The following PTPRC variants were observed in gnomAD, a reference collection of about 807,000 sequenced individuals.
The protein encoded by PTPRC is receptor-type tyrosine-protein phosphatase C.
A neutral mutation model predicts 155.9 loss-of-function variants in PTPRC; 44 were observed. The ratio of observed to expected loss-of-function variants is 0.28; its 90% confidence interval spans 0.22 to 0.36. The LOEUF is 0.36. PTPRC is among the 10% of genes least tolerant of loss of function. The pLI, the probability that PTPRC is intolerant of heterozygous loss-of-function variation, is 1.00. For missense variants in PTPRC, 1,401 were observed against 1,564.6 expected, an observed-to-expected ratio of 0.90 and a Z score of 1.76; for synonymous variants, 525 against 533.1, an observed-to-expected ratio of 0.98 and a Z score of 0.21.
At position 198,716,710 on chromosome 1, in the gene PTPRC, C is replaced by T. The variant is rs1653604546; in HGVS notation, c.1320C>T (p.Asn440=). Reference sequence around the variant, plus strand: ...AAGATTGCCTCAATCTGGATAAAAACCTGATCAAATATGATTTGCAAAATT... The same window carrying T: ...AAGATTGCCTCAATCTGGATAAAAATCTGATCAAATATGATTTGCAAAATT... The part of the protein sequence containing the change: ...TEKDCLNLDK[N]LIKYDLQNLK... The change falls in exon 13 of 33, where the codon AAC becomes AAT. Residue 440 remains asparagine (N), a synonymous_variant. Transcript: ENST00000442510. 1.2e-6 allele frequency: 2 copies of T among 1,612,010 alleles called. No homozygotes were observed.
intron 17 of PTPRC, among the ~76,000 whole-genome samples, chr1:198,731,277 A>G (rs1654375279): frequency 6.6e-6 from 1 of 152,020 alleles, no homozygotes; most frequent in Non-Finnish European, 1.5e-5. Context: ...TGTATTATAA[A>G]TAAATAATTA....
At chr1:198,662,355 T>C (rs1664015256) in intron 2 of PTPRC, among the ~76,000 whole-genome samples, 1 of 152,030 alleles carries the variant, frequency 6.6e-6, no homozygotes, top group Non-Finnish European at 1.5e-5. Flanking sequence ...GCAATTTATT[T>C]GAGATTACAG....
chr1:198,640,953 GT>G (rs1376288878), intron 2 of PTPRC, among the ~76,000 whole-genome samples: 1 of 151,786 alleles, frequency 6.6e-6, no homozygotes, highest in African/African-American at 2.4e-5. Flanking sequence ...ATTACAGGAT[GT>G]TTTTTTAACC....
At position 198,647,810 on chromosome 1, in the gene PTPRC, G is replaced by A. The variant is rs1284715053; in HGVS notation, c.73+8469G>A. The stretch of plus-strand genomic sequence containing the variant: ...CATTTGATAAACAACTATTTTGTGA[G>A]TGTTTTCCATGTAATTTGGGCTGAG... On this transcript the variant is annotated intron_variant, in intron 2 of 32. Coordinates refer to ENST00000442510, the MANE Select transcript of PTPRC (RefSeq NM_002838.5). Among the ~76,000 whole-genome samples the A allele has an allele frequency of 2.0e-5, 3 of 151,774 alleles. No homozygotes were observed. The East Asian group carries it at 5.8e-4, about 30-fold the overall frequency.
At chr1:198,706,645 T>A (rs528601994) in intron 8 of PTPRC, 89 bp from the exon 9 acceptor site, 1 of 1,386,928 alleles carries the variant, frequency 7.2e-7, no homozygotes, top group Non-Finnish European at 1.0e-6. Context: ...TGGGGATATT[T>A]GGTTAGTTGA....
At chr1:198,754,522 TTTCTC>T (rs1655537982) in intron 32 of PTPRC, 118 bp downstream of exon 32, 1 of 1,204,930 alleles carries the variant, frequency 8.3e-7, no homozygotes, top group Non-Finnish European at 1.2e-6. Flanking sequence ...CCCCTTTCCT[TTTCTC>T]TTCTCTATTT....
intron 18 of PTPRC, 52 bp downstream of exon 18, chr1:198,731,778 A>G (rs368340007): frequency 2.2e-6 from 3 of 1,367,026 alleles, no homozygotes; most frequent in African/African-American, 1.4e-5. Context: ...AGACAGTTCC[A>G]CTTTAAGTGT....
intron 2 of PTPRC, among the ~76,000 whole-genome samples, chr1:198,641,485 A>G (rs1662579388): frequency 6.6e-6 from 1 of 152,042 alleles, no homozygotes; most frequent in Admixed American, 6.6e-5. Flanking sequence ...TCTATGCATA[A>G]TTCAAATATT....
intron 2 of PTPRC, among the ~76,000 whole-genome samples, chr1:198,690,042 G>A (rs576787089): frequency 2.0e-5 from 3 of 152,220 alleles, no homozygotes; most frequent in East Asian, 1.9e-4. Flanking sequence ...CAAGTTCCAA[G>A]GAATGAGGTG....
intron 4 of PTPRC, among the ~76,000 whole-genome samples, chr1:198,699,353 G>A (rs1219052491): frequency 6.6e-6 from 1 of 152,176 alleles, no homozygotes; most frequent in Non-Finnish European, 1.5e-5. Flanking sequence ...ATCCAGCTCA[G>A]GAAACCTCCC....
At chr1:198,722,550 A>G in intron 15 of PTPRC, 74 bp downstream of exon 15, 2 of 825,182 alleles carry the variant, frequency 2.4e-6, no homozygotes, top group African/African-American at 1.8e-5. Context: ...ATTATTTTAC[A>G]CTTATAATCA....
intron 14 of PTPRC, among the ~76,000 whole-genome samples, chr1:198,721,170 A>T (rs2102454015): frequency 6.6e-6 from 1 of 152,276 alleles, no homozygotes; most frequent in Non-Finnish European, 1.5e-5. Flanking sequence ...TATTATGCTT[A>T]TTTCTGTCTC....
intron 18 of PTPRC, 96 bp downstream of exon 18, chr1:198,731,822 C>A: frequency 1.0e-6 from 1 of 961,014 alleles, no homozygotes; most frequent in Non-Finnish European, 1.7e-6. Context: ...TAATTTATCC[C>A]ACTTGATATT....
intron 11 of PTPRC, among the ~76,000 whole-genome samples, chr1:198,710,328 A>C (rs536932869): frequency 2.6e-5 from 4 of 152,264 alleles, no homozygotes; most frequent in African/African-American, 9.6e-5. Context: ...ACTGTCGATT[A>C]CTGCTGCTTT....
intron 23 of PTPRC, among the ~76,000 whole-genome samples, chr1:198,739,283 G>T (rs567626852): frequency 2.1e-5 from 2 of 94,296 alleles, no homozygotes; most frequent in African/African-American, 8.5e-5. Flanking sequence ...ACATAGAGTG[G>T]CTGAATAGAT....
intron 2 of PTPRC, among the ~76,000 whole-genome samples, chr1:198,678,944 AGAGT>A (rs939746373): frequency 2.0e-5 from 3 of 152,222 alleles, no homozygotes; most frequent in African/African-American, 7.2e-5. Flanking sequence ...AACATAAACC[AGAGT>A]GAGTGAGTGA....
rs761765351 is a variant in PTPRC at position 198,732,284 on chromosome 1, T to C, written c.1975-16T>C. On this transcript the variant is annotated splice_polypyrimidine_tract_variant and intron_variant, in intron 18 of 32. Transcript: ENST00000442510. ...CCTGAATCTGCTGTGATCCAAGAAA[T>C]CGTTGTTTCTTTCAGAGCATCCCGC... 2 of 1,593,800 alleles carry C rather than the reference T, an allele frequency of 1.3e-6. No homozygotes were observed. Among genetic ancestry groups the C allele is most frequent in the South Asian group, 2.2e-5 (2 of 90,598 alleles).
Position 198,687,987 on chromosome 1 carries a change from A to G in PTPRC, c.74-4360A>G, listed in dbSNP as rs556590112. Among the ~76,000 whole-genome samples, 3 of 152,260 alleles carry G rather than the reference A, an allele frequency of 2.0e-5. No homozygotes were observed. In the East Asian group the frequency reaches 5.8e-4, roughly 29 times the overall value. On this transcript the variant is annotated intron_variant, in intron 2 of 32. Transcript: ENST00000442510. ...ATCTGTTTATAGGGATTTTATGACCATGAGAACAAGCAAGTTGAGTCTTAC... is the reference window on the plus strand; with the variant it reads ...ATCTGTTTATAGGGATTTTATGACCGTGAGAACAAGCAAGTTGAGTCTTAC...
At position 198,748,092 on chromosome 1, in the gene PTPRC, T is replaced by G. The variant is rs1655220678; in HGVS notation, c.2848-17T>G. The G allele has an allele frequency of 1.5e-6, 2 of 1,297,634 alleles. No homozygotes were observed. The highest frequency in any genetic ancestry group is 3.1e-5 in the East Asian group (1 of 32,058). The allele number at this position is 1,297,634 out of a possible 1,614,324, so 80.4% of individuals were successfully genotyped here. A position where few individuals can be genotyped will look rare whatever the true frequency, so the allele number is the denominator to read the frequency against. On this transcript the variant is annotated splice_polypyrimidine_tract_variant and intron_variant, in intron 26 of 32. Coordinates refer to ENST00000442510, the MANE Select transcript of PTPRC (RefSeq NM_002838.5). ...TACATTTTAAAGGAGTTTTTCTGTT[T>G]TTTTTTTTTTTTTCAGAGACTTCCT...
Sources: gnomAD v4.1 joint callset for allele counts (sites outside exome capture counted in the v4.1 genomes callset) on GRCh38, gnomAD v4.1.1 for gene constraint, MANE v1.5 for transcripts, NCBI Gene and HGNC (gene_info 2026-07-23, HGNC 2026-07-21) for gene names.